Variants in AFG1L observed in about 807,000 individuals in gnomAD.
The protein encoded by AFG1L is AFG1 like ATPase.
A neutral mutation model predicts 62.2 loss-of-function variants in AFG1L; 53 were observed. The observed-to-expected ratio is 0.85, with a 90% CI of 0.68 to 1.07. AFG1L has a LOEUF of 1.07. AFG1L is among the 50% of genes least tolerant of loss of function. The pLI, the probability that AFG1L is intolerant of heterozygous loss-of-function variation, is 0.00. For missense variants in AFG1L, 555 were observed against 590.5 expected (o/e 0.94, Z 0.62); for synonymous variants, 228 against 210.3 (o/e 1.08, Z -0.73).
chr6:108,364,864 C>CAAAAAA (rs1562110488), intron 5 of AFG1L, among the ~76,000 whole-genome samples: 1 of 84,338 alleles, frequency 1.2e-5, no homozygotes, highest in Non-Finnish European at 2.1e-5. Context: ...CCTGAGACAG[C>CAAAAAA]CAAAAAAAAA....
chr6:108,326,798 A>G (rs9486856), intron 2 of AFG1L, among the ~76,000 whole-genome samples: 16,081 of 152,128 alleles, frequency 0.11, 2,404 homozygotes, highest in African/African-American at 0.33. Context: ...TGTCTCTACT[A>G]AAAATACAAA....
At chr6:108,449,276 A>G (rs551315329) in intron 8 of AFG1L, among the ~76,000 whole-genome samples, 44 of 152,144 alleles carry the variant, frequency 2.9e-4, no homozygotes, top group Non-Finnish European at 4.9e-4. Flanking sequence ...CTATCTATCT[A>G]TCTATTCATT....
rs562997421 is a variant in AFG1L at position 108,449,238 on chromosome 6, T to G, written c.890+1942T>G. On this transcript the variant is annotated intron_variant, in intron 8 of 12. Transcript: ENST00000368977. ...ATATATACACAGACATATAGATATA[T>G]ATAGATAGATAGATGTCTATCTATT... 4.6e-5 allele frequency among the ~76,000 whole-genome samples: 7 copies of G among 152,020 alleles called. No individual in the cohort carries two copies. In the East Asian group the frequency reaches 5.8e-4, roughly 13 times the overall value.
chr6:108,481,278 A>T (rs954518283), intron 10 of AFG1L, among the ~76,000 whole-genome samples: 1 of 152,208 alleles, frequency 6.6e-6, no homozygotes, highest in African/African-American at 2.4e-5. Flanking sequence ...TGGACATGAC[A>T]TGAGCTTTCA....
At chr6:108,411,745 C>T (rs1481816150) in intron 7 of AFG1L, among the ~76,000 whole-genome samples, 2 of 152,170 alleles carry the variant, frequency 1.3e-5, no homozygotes, top group African/African-American at 4.8e-5. Flanking sequence ...CACACCAAAA[C>T]CCCATCTGTA....
chr6:108,490,363 GCAAA>G lies in AFG1L; in HGVS notation c.1062+13084_1062+13087del, dbSNP rs376565856. On this transcript the variant is annotated intron_variant, in intron 10 of 12. Transcript: ENST00000368977. ...GACAGAGAGAGACTTCGTCTCAAAA[GCAAA>G]CAAACAAACAAAAAAACAGAAGTAA... Among the ~76,000 whole-genome samples the G allele has an allele frequency of 7.0e-3, 1,063 of 152,160 alleles. 19 individuals are homozygous for G. The highest frequency in any genetic ancestry group is 0.023 in the African/African-American group (973 of 41,514).
At chr6:108,334,101 G>C (rs6568539) in intron 2 of AFG1L, among the ~76,000 whole-genome samples, 107,522 of 151,994 alleles carry the variant, frequency 0.71, 41,695 homozygotes, top group Non-Finnish European at 0.88. Flanking sequence ...TCTGCCTCCT[G>C]GGTTCAAGCA....
chr6:108,411,996 C>T (rs530980814), intron 7 of AFG1L, among the ~76,000 whole-genome samples: 3 of 152,230 alleles, frequency 2.0e-5, no homozygotes, highest in East Asian at 3.9e-4. Context: ...GAACCCATCT[C>T]AAAGAAGCTA....
chr6:108,313,378 A>G (rs1777482412), intron 1 of AFG1L, among the ~76,000 whole-genome samples: 1 of 152,198 alleles, frequency 6.6e-6, no homozygotes, highest in African/African-American at 2.4e-5. Context: ...TGAAGATCGA[A>G]TCAGTTAATG....
intron 1 of AFG1L, among the ~76,000 whole-genome samples, chr6:108,316,163 C>T (rs1012874553): frequency 1.3e-5 from 2 of 151,574 alleles, no homozygotes; most frequent in African/African-American, 2.4e-5. Context: ...GGGCGGATCA[C>T]GAGGTCAGGA....
chr6:108,431,556 G>A (rs1326096678), intron 7 of AFG1L, among the ~76,000 whole-genome samples: 1 of 149,982 alleles, frequency 6.7e-6, no homozygotes, highest in African/African-American at 2.4e-5. Context: ...GTGTTACACA[G>A]TAGCAGTTGC....
At chr6:108,329,561 A>G (rs1475181515) in intron 2 of AFG1L, among the ~76,000 whole-genome samples, 2 of 152,180 alleles carry the variant, frequency 1.3e-5, no homozygotes, top group Non-Finnish European at 2.9e-5. Flanking sequence ...GGCCTCCCAA[A>G]GTGCTGGGAT....
intron 6 of AFG1L, among the ~76,000 whole-genome samples, chr6:108,388,641 A>G (rs1780885394): frequency 6.6e-6 from 1 of 151,682 alleles, no homozygotes; most frequent in African/African-American, 2.4e-5. Context: ...TGTACCCAGT[A>G]GTCATTCAGG....
intron 2 of AFG1L, among the ~76,000 whole-genome samples, chr6:108,334,557 A>C (rs1241967762): frequency 9.5e-6 from 1 of 105,626 alleles, no homozygotes; most frequent in Non-Finnish European, 2.3e-5. Flanking sequence ...TTAAAAAAAA[A>C]ACAAATAGAC....
intron 7 of AFG1L, among the ~76,000 whole-genome samples, chr6:108,421,078 G>C (rs189158543): frequency 2.0e-5 from 3 of 152,158 alleles, no homozygotes; most frequent in African/African-American, 7.2e-5. Context: ...CTTTGTCATA[G>C]GCCACCATGG....
intron 7 of AFG1L, among the ~76,000 whole-genome samples, chr6:108,422,499 A>AAAAAAAAAAAAAAAAAAAAAAAAAAAT (rs1770645115): frequency 6.7e-6 from 1 of 148,338 alleles, no homozygotes; most frequent in African/African-American, 2.5e-5. Context: ...AAAAAAAAAA[A>AAAAAAAAAAAAAAAAAAAAAAAAAAAT]GAAGAAGAAA....
intron 5 of AFG1L, among the ~76,000 whole-genome samples, chr6:108,357,225 C>T (rs1406083142): frequency 6.6e-6 from 1 of 151,974 alleles, no homozygotes; most frequent in Non-Finnish European, 1.5e-5. Flanking sequence ...ACTATAGGCT[C>T]ATGCACCATA....
At chr6:108,509,077 C>T (rs987103387) in intron 10 of AFG1L, among the ~76,000 whole-genome samples, 1 of 152,218 alleles carries the variant, frequency 6.6e-6, no homozygotes, top group Non-Finnish European at 1.5e-5. Context: ...GTTTGCTGCT[C>T]ACAGAGTACA....
chr6:108,490,644 A>G (rs1483509745), intron 10 of AFG1L, among the ~76,000 whole-genome samples: 1 of 152,146 alleles, frequency 6.6e-6, no homozygotes, highest in African/African-American at 2.4e-5. Flanking sequence ...TCCTATATAA[A>G]TCCAAATAGT....
Sources: gnomAD v4.1 joint callset for allele counts (sites outside exome capture counted in the v4.1 genomes callset) on GRCh38, gnomAD v4.1.1 for gene constraint, MANE v1.5 for transcripts, NCBI Gene and HGNC (gene_info 2026-07-23, HGNC 2026-07-21) for gene names.